ULK4: variants seen among roughly 807,000 people sequenced by gnomAD.
The protein encoded by ULK4 is inactive serine/threonine-protein kinase ULK4.
A neutral mutation model predicts 160.6 loss-of-function variants in ULK4; 133 were observed. That is an observed-to-expected ratio of 0.83 (90% CI 0.72 to 0.96). ULK4 has a LOEUF of 0.96. Ranked by LOEUF, ULK4 falls within the 40% of genes least tolerant of loss-of-function variation. The probability of loss-of-function intolerance (pLI) is 0.00; values close to 1 mark genes in which losing one functional copy is unlikely to be tolerated. For missense variants in ULK4, 1,580 were observed against 1,499.5 expected (o/e 1.05, Z -0.89); for synonymous variants, 534 against 539.8 (o/e 0.99, Z 0.15).
intron 29 of ULK4, among the ~76,000 whole-genome samples, chr3:41,668,888 GTTT>G (rs2035439232): frequency 6.6e-6 from 1 of 152,126 alleles, no homozygotes; most frequent in African/African-American, 2.4e-5. Context: ...TACTCTTAAA[GTTT>G]TTAAGTTAAA....
At chr3:41,343,442 T>A (rs757430300) in intron 35 of ULK4, among the ~76,000 whole-genome samples, 6 of 151,720 alleles carry the variant, frequency 4.0e-5, no homozygotes, top group Non-Finnish European at 8.8e-5. Flanking sequence ...GTAGCTGGGA[T>A]TATAGGCACA....
At chr3:41,876,571 T>A (rs1471384646) in intron 17 of ULK4, among the ~76,000 whole-genome samples, 1 of 152,150 alleles carries the variant, frequency 6.6e-6, no homozygotes, top group Admixed American at 6.5e-5. Context: ...CCTACACATA[T>A]CCAACAGAGA....
intron 27 of ULK4, among the ~76,000 whole-genome samples, chr3:41,700,196 G>C (rs1279761042): frequency 1.3e-5 from 2 of 152,128 alleles, no homozygotes; most frequent in Non-Finnish European, 2.9e-5. Context: ...CTGAAAACAG[G>C]GGGAGCTTTC....
chr3:41,553,520 C>A (rs907351018), intron 32 of ULK4, among the ~76,000 whole-genome samples: 1 of 152,020 alleles, frequency 6.6e-6, no homozygotes, highest in African/African-American at 2.4e-5. Context: ...TAGGAAAATG[C>A]AAATCAAACC....
intron 31 of ULK4, among the ~76,000 whole-genome samples, chr3:41,581,478 CA>C (rs1168549644): frequency 6.6e-6 from 1 of 152,092 alleles, no homozygotes; most frequent in East Asian, 1.9e-4. Context: ...AATATGTGAA[CA>C]ATTTGTTGGT....
At chr3:41,255,012 T>TA (rs1221167878) in intron 35 of ULK4, among the ~76,000 whole-genome samples, 1 of 151,894 alleles carries the variant, frequency 6.6e-6, no homozygotes, top group Non-Finnish European at 1.5e-5. Context: ...TATCAATACT[T>TA]ACATTAAATG....
In ULK4 at chr3:41,754,401, T is replaced by G. The variant is rs1186165687; in HGVS notation, c.2281A>C (p.Ile761Leu). ...AGCAGCAACATCTCACGGTTATAAA[T>G]CAAAATATATAGAAGAACCAGGAAG... ...KAFLVLLYILIYNREMLLLSC... is the reference protein window; with the variant it reads ...KAFLVLLYILLYNREMLLLSC... The change falls in exon 22 of 37, where the codon ATT (isoleucine) becomes CTT (leucine). Residue 761 changes from isoleucine (I) to leucine (L), a missense_variant. Ile to Leu is a conservative substitution (Grantham distance 5). Transcript: ENST00000301831. The G allele has an allele frequency of 6.2e-7, 1 of 1,613,080 alleles. No homozygotes were observed. Among genetic ancestry groups the G allele is most frequent in the African/African-American group, 1.3e-5 (1 of 74,828 alleles).
At chr3:41,464,049 A>G (rs1254600008) in intron 32 of ULK4, among the ~76,000 whole-genome samples, 3 of 152,086 alleles carry the variant, frequency 2.0e-5, no homozygotes, top group Non-Finnish European at 4.4e-5. Context: ...AATATTTTAC[A>G]CACGCAGATG....
intron 21 of ULK4, 83 bp from the exon 22 acceptor site, chr3:41,754,571 A>T (rs1332305383): frequency 1.1e-5 from 14 of 1,308,736 alleles, no homozygotes; most frequent in Non-Finnish European, 1.3e-5. Context: ...AGACTATAAT[A>T]ATCAAGCAGA....
intron 35 of ULK4, among the ~76,000 whole-genome samples, chr3:41,361,555 C>G (rs1575468166): frequency 6.6e-6 from 1 of 152,160 alleles, no homozygotes; most frequent in Non-Finnish European, 1.5e-5. Context: ...GAAAGCTATA[C>G]AGTTAAAAGT....
intron 35 of ULK4, among the ~76,000 whole-genome samples, chr3:41,387,981 G>T (rs944731058): frequency 1.3e-5 from 2 of 152,184 alleles, no homozygotes; most frequent in African/African-American, 2.4e-5. Flanking sequence ...CTAGTTTACA[G>T]TCACACCAAC....
chr3:41,346,906 C>T (rs948881992), intron 35 of ULK4, among the ~76,000 whole-genome samples: 3 of 152,124 alleles, frequency 2.0e-5, no homozygotes, highest in African/African-American at 7.2e-5. Flanking sequence ...GGCTTGGTCA[C>T]ATATAGACTC....
chr3:41,639,941 G>A (rs1472145428), intron 30 of ULK4, among the ~76,000 whole-genome samples: 1 of 152,172 alleles, frequency 6.6e-6, no homozygotes, highest in East Asian at 1.9e-4. Context: ...ATAGAAAACT[G>A]TGTATTATGG....
intron 17 of ULK4, among the ~76,000 whole-genome samples, chr3:41,873,871 G>T (rs1032696809): frequency 4.9e-5 from 7 of 142,244 alleles, no homozygotes; most frequent in African/African-American, 1.8e-4. Context: ...TTGTTTTTGT[G>T]GTTTTTTTTG....
rs2035256634 is a variant in ULK4, at chr3:41,663,625, T to G, written c.3053A>C (p.His1018Pro). 6.2e-7 allele frequency: 1 copy of G among 1,613,828 alleles called. No individual in the cohort carries two copies. The highest frequency in any genetic ancestry group is 1.3e-5 in the African/African-American group (1 of 74,924). The change falls in exon 30 of 37, where the codon CAC (histidine) becomes CCC (proline). Residue 1018 changes from histidine to proline, a missense_variant. By Grantham distance (77) the His-to-Pro change is moderately conservative. Coordinates refer to ENST00000301831, the MANE Select transcript of ULK4 (RefSeq NM_017886.4). ...CCAGTACCTTGTGAAAGTTGGGTTGTGTTCAGTCATCGCGACTAGCAGTTT... is the reference window on the plus strand; with the variant it reads ...CCAGTACCTTGTGAAAGTTGGGTTGGGTTCAGTCATCGCGACTAGCAGTTT... ...ALKLLVAMTE[H>P]NPTFTRLVEE...
intron 32 of ULK4, among the ~76,000 whole-genome samples, chr3:41,506,773 T>TATATATATATATAAATATATATAA (rs2085401423): frequency 2.0e-4 from 4 of 20,108 alleles, no homozygotes; most frequent in African/African-American, 5.9e-4. Context: ...TTAAAATATA[T>TATATATATATATAAATATATATAA]ATATATATAT....
rs916499892 is a variant in ULK4, at chr3:41,371,692, A to G, written c.3678+26387T>C. Among the ~76,000 whole-genome samples, 7 of 152,158 alleles carry G rather than the reference A, an allele frequency of 4.6e-5. No homozygotes were observed. In the South Asian group the frequency reaches 1.5e-3, roughly 32 times the overall value. ...AAATAAATCCACAAAGATGAGGAAA[A>G]ATCAGCGCAAAAAGGATGAAAATTC... is the stretch of plus-strand genomic sequence containing the variant. On this transcript the variant is annotated intron_variant, in intron 35 of 36. Coordinates refer to ENST00000301831, the MANE Select transcript of ULK4 (RefSeq NM_017886.4).
intron 35 of ULK4, among the ~76,000 whole-genome samples, chr3:41,334,472 T>TA (rs758847143): frequency 2.6e-5 from 4 of 152,202 alleles, no homozygotes; most frequent in Non-Finnish European, 5.9e-5. Flanking sequence ...TTTTATGGGC[T>TA]ATTTTTCTGC....
chr3:41,744,619 A>T (rs2038355686), intron 22 of ULK4, among the ~76,000 whole-genome samples: 1 of 152,000 alleles, frequency 6.6e-6, no homozygotes, highest in African/African-American at 2.4e-5. Flanking sequence ...TTATAACTGC[A>T]GACTCCAACA....
Sources: allele counts gnomAD v4.1 joint callset (sites outside exome capture counted in the v4.1 genomes callset), GRCh38; gene constraint gnomAD v4.1.1; transcripts MANE v1.5; gene names NCBI Gene and HGNC (gene_info 2026-07-23, HGNC 2026-07-21).